The following USP43 variants were observed in gnomAD, a reference collection of about 807,000 sequenced individuals.
USP43 encodes ubiquitin specific peptidase 43, also known as ubiquitin carboxyl-terminal hydrolase 43.
A neutral mutation model predicts 90.7 loss-of-function variants in USP43; 33 were observed. That is an observed-to-expected ratio of 0.36 (90% CI 0.28 to 0.49). The LOEUF (loss-of-function observed/expected upper bound fraction) is 0.49, where lower values mean the gene tolerates loss of function less well. USP43 is among the 20% of genes least tolerant of loss of function. The pLI, the probability that USP43 is intolerant of heterozygous loss-of-function variation, is 0.98. For missense variants in USP43, 1,274 were observed against 1,476.4 expected, an observed-to-expected ratio of 0.86 and a Z score of 2.25; for synonymous variants, 598 against 615.8, an observed-to-expected ratio of 0.97 and a Z score of 0.43.
At position 9,645,688 on chromosome 17, in the gene USP43, G is replaced by C. The variant is rs933059341; in HGVS notation, c.56G>C (p.Arg19Pro). The C allele has an allele frequency of 2.3e-6, 3 of 1,282,526 alleles. No homozygotes were observed. Among genetic ancestry groups the C allele is most frequent in the Non-Finnish European group, 2.0e-6 (2 of 1,020,162 alleles). The allele number at this position is 1,282,526 out of a possible 1,614,324, so 79.4% of individuals were successfully genotyped here. A position where few individuals can be genotyped will look rare whatever the true frequency, so the allele number is the denominator to read the frequency against. ...GGGGGACCGCTCGCGCCCCGGCCCC[G>C]CCGCCGCCGCTCCCTGCGCCGCCTG... ...AGGGPLAPRPRRRRSLRRLFS... is the reference protein window; with the variant it reads ...AGGGPLAPRPPRRRSLRRLFS... The change falls in exon 1 of 15, where the codon CGC becomes CCC. Residue 19 changes from arginine (R) to proline (P), a missense_variant. Arg to Pro is a moderately radical substitution (Grantham distance 103). Coordinates refer to ENST00000285199, the MANE Select transcript of USP43 (RefSeq NM_153210.5). This position sits in a 1 kb window ranked among gnomAD's most constrained non-coding sequence, Gnocchi z 6.8.
At chr17:9,655,085 A>G (rs1188110725) in intron 1 of USP43, among the ~76,000 whole-genome samples, 8 of 84,028 alleles carry the variant, frequency 9.5e-5, no homozygotes, top group Non-Finnish European at 1.5e-4. Context: ...GAAAGAAAGG[A>G]AAAAAAAAAA....
intron 2 of USP43, among the ~76,000 whole-genome samples, chr17:9,665,327 C>A (rs958188695): frequency 6.6e-6 from 1 of 152,084 alleles, no homozygotes; most frequent in Non-Finnish European, 1.5e-5. Context: ...GACTGGGTAA[C>A]TTACAAAAGA....
chr17:9,675,151 G>C (rs1357582457), intron 4 of USP43, among the ~76,000 whole-genome samples, 168 bp downstream of exon 4: 1 of 152,194 alleles, frequency 6.6e-6, no homozygotes, highest in Non-Finnish European at 1.5e-5. Flanking sequence ...AATTGACAGA[G>C]TGAAAGGTTA....
chr17:9,701,125 C>A lies in USP43; in HGVS notation c.1542C>A (p.Phe514Leu). The stretch of plus-strand genomic sequence containing the variant: ...GGGTGTCCTCTCCGTGCAGCCTGTT[C>A]GGGAGCCTCCAGGAGGAGCGAGCGC... ...EWDSSVKERLFGSLQEERAQD... is the reference protein window; with the variant it reads ...EWDSSVKERLLGSLQEERAQD... The change falls in exon 11 of 15, where the codon TTC (phenylalanine) becomes TTA (leucine). Residue 514 changes from phenylalanine to leucine, a missense_variant. Phe to Leu is a conservative substitution (Grantham distance 22). Around this residue, in one of 6 missense-constraint regions of USP43, gnomAD observed 253 missense variants for 276.0 expected, o/e 0.92. Transcript: ENST00000285199. The surrounding 1 kb of genome is among the most constrained non-coding windows in gnomAD (Gnocchi z 7.2). The A allele has an allele frequency of 6.8e-7, 1 of 1,471,328 alleles. No individual in the cohort carries two copies. Among genetic ancestry groups the A allele is most frequent in the South Asian group, 1.4e-5 (1 of 69,640 alleles). 91.1% of individuals were successfully genotyped at this position (1,471,328 alleles called of 1,614,324 possible).
chr17:9,648,464 G>A lies in USP43; in HGVS notation c.504+2328G>A, dbSNP rs540922410. On this transcript the variant is annotated intron_variant, in intron 1 of 14. Transcript: ENST00000285199. ...TCTAGAGGTAGAAATGGATGTTAATGAAATAATCACACAGGCACATGATTG... is the reference window on the plus strand; with the variant it reads ...TCTAGAGGTAGAAATGGATGTTAATAAAATAATCACACAGGCACATGATTG... Among the ~76,000 whole-genome samples, 8 of 152,326 alleles carry A rather than the reference G, an allele frequency of 5.3e-5. No homozygotes were observed. In the South Asian group the frequency reaches 1.7e-3, roughly 32 times the overall value.
chr17:9,665,853 G>C (rs949857802), intron 2 of USP43, among the ~76,000 whole-genome samples: 2 of 152,164 alleles, frequency 1.3e-5, no homozygotes, highest in Non-Finnish European at 2.9e-5. Flanking sequence ...AAACTGGAGT[G>C]ATGTGGTCAC....
chr17:9,671,279 AGT>A (rs61191393), intron 3 of USP43, among the ~76,000 whole-genome samples: 25,576 of 149,398 alleles, frequency 0.17, 2,190 homozygotes, highest in East Asian at 0.32. Flanking sequence ...TGGAGGAGGG[AGT>A]GTGTGTGTGT....
intron 7 of USP43, among the ~76,000 whole-genome samples, chr17:9,683,203 C>T (rs1218139593): frequency 2.0e-5 from 3 of 152,148 alleles, no homozygotes; most frequent in Non-Finnish European, 2.9e-5. Context: ...TTACTGCCTT[C>T]ACCACTGTTA....
chr17:9,683,057 T>G (rs1164490390), intron 7 of USP43, 99 bp downstream of exon 7: 12 of 1,458,122 alleles, frequency 8.2e-6, no homozygotes, highest in African/African-American at 1.4e-5. Flanking sequence ...ATTCCCAAGG[T>G]TAATAAACTA....
intron 12 of USP43, among the ~76,000 whole-genome samples, chr17:9,703,162 A>G (rs1164217616): frequency 1.3e-5 from 2 of 151,246 alleles, no homozygotes; most frequent in East Asian, 3.9e-4. Context: ...ATTGGGAGGC[A>G]TCTTTGTTAC....
At position 9,711,969 on chromosome 17, in the gene USP43, C is replaced by T; in HGVS notation, c.2172C>T (p.Gly724=). The change falls in exon 14 of 15, where the codon GGC becomes GGT. Residue 724 remains glycine, a splice_region_variant and synonymous_variant. Transcript: ENST00000285199. ...PPWSASSSMR[G]STSSSLSDHW... is the part of the protein sequence containing the mutation. ...TCCCTCTCTGTGTTTCCTCCACAGG[C>T]TCTACCAGCTCCTCCCTGTCTGATC... is the stretch of plus-strand genomic sequence containing the variant. 2.5e-6 allele frequency: 4 copies of T among 1,601,962 alleles called. No individual in the cohort carries two copies. Among genetic ancestry groups the T allele is most frequent in the East Asian group, 2.3e-5 (1 of 44,382 alleles).
chr17:9,690,641 T>G (rs1408589502), intron 8 of USP43, among the ~76,000 whole-genome samples: 1 of 152,182 alleles, frequency 6.6e-6, no homozygotes, highest in Admixed American at 6.6e-5. Flanking sequence ...TCCCAGCACT[T>G]TGGGAGGCCG....
Position 9,729,109 on chromosome 17 carries a change from A to AT in USP43, c.*119_*120insT. On this transcript the variant is annotated 3_prime_UTR_variant, in exon 15 of 15. Coordinates refer to ENST00000285199, the MANE Select transcript of USP43 (RefSeq NM_153210.5). ...CGTTGTCTTGTAATCTCTAAAAAAA[A>AT]ATTTTTTTTTTTTTGTGGTGGGGGG... 96 of 1,152,548 alleles carry AT rather than the reference A, an allele frequency of 8.3e-5. 1 individual carries two copies. The highest frequency in any genetic ancestry group is 6.6e-4 in the African/African-American group (41 of 62,312). The allele number at this position is 1,152,548 out of a possible 1,614,324, so 71.4% of individuals were successfully genotyped here.
intron 12 of USP43, among the ~76,000 whole-genome samples, chr17:9,705,594 A>C (rs441285): frequency 0.14 from 21,300 of 151,622 alleles, 1,751 homozygotes; most frequent in African/African-American, 0.2. Context: ...GTCTCTACTA[A>C]AAATACAAAA....
chr17:9,699,748 G>A (rs369054941), intron 9 of USP43, among the ~76,000 whole-genome samples: 4 of 152,282 alleles, frequency 2.6e-5, no homozygotes, highest in African/African-American at 9.6e-5. Flanking sequence ...AGGTTGTGGA[G>A]GGGGGCTTAA....
rs561847146 is a variant in USP43 at position 9,706,131 on chromosome 17, AT to A, written c.2012-3824del. Among the ~76,000 whole-genome samples, 24 of 152,356 alleles carry A rather than the reference AT, an allele frequency of 1.6e-4. No individual in the cohort carries two copies. In the South Asian group the frequency reaches 4.6e-3, roughly 29 times the overall value. On this transcript the variant is annotated intron_variant, in intron 12 of 14. Transcript: ENST00000285199. ...CATCTTTTCGCATGTTTGAGCCACT[AT>A]GGTTCCTTTCCTGTGAACTGTCTAT...
Position 9,701,187 on chromosome 17 carries a change from A to G in USP43, c.1604A>G (p.His535Arg), listed in dbSNP as rs757321020. The change falls in exon 11 of 15, where the codon CAT (histidine) becomes CGT (arginine). Residue 535 changes from histidine (H) to arginine (R), a missense_variant. Around this residue, in one of 6 missense-constraint regions of USP43, gnomAD observed 253 missense variants for 276.0 expected, o/e 0.92. Coordinates refer to ENST00000285199, the MANE Select transcript of USP43 (RefSeq NM_153210.5). This position sits in a 1 kb window ranked among gnomAD's most constrained non-coding sequence, Gnocchi z 7.2. ...AGTGTGTGGCAGCAGCAGCAGGCGC[A>G]TCAGCAGCACAGCTGTACCTTGGAT... ...ADSVWQQQQAHQQHSCTLDEC... is the reference protein window; with the variant it reads ...ADSVWQQQQARQQHSCTLDEC... 1.3e-6 allele frequency: 2 copies of G among 1,566,384 alleles called. No individual in the cohort carries two copies. The highest frequency in any genetic ancestry group is 1.7e-6 in the Non-Finnish European group (2 of 1,154,620).
At chr17:9,663,260 G>A (rs1392787810) in intron 2 of USP43, among the ~76,000 whole-genome samples, 1 of 151,284 alleles carries the variant, frequency 6.6e-6, no homozygotes, top group Non-Finnish European at 1.5e-5. Context: ...GAGCAGTCGA[G>A]TAACTTGTAG....
At chr17:9,719,873 C>T (rs2152000215) in intron 14 of USP43, among the ~76,000 whole-genome samples, 1 of 152,210 alleles carries the variant, frequency 6.6e-6, no homozygotes, top group East Asian at 1.9e-4. Context: ...CCGAGACCAG[C>T]CTGGTCCACA....
Sources: allele counts gnomAD v4.1 joint callset (sites outside exome capture counted in the v4.1 genomes callset), GRCh38; gene constraint gnomAD v4.1.1; regional missense constraint gnomAD v4.1.1; non-coding constraint Gnocchi (gnomAD v3.1); transcripts MANE v1.5; gene names NCBI Gene and HGNC (gene_info 2026-07-23, HGNC 2026-07-21).